NAE1: variants seen among roughly 807,000 people sequenced by gnomAD.
NAE1 encodes the protein NEDD8 activating enzyme E1 subunit 1.
Under a neutral mutation model 88.0 loss-of-function variants are expected in NAE1, and 59 were observed. That is an observed-to-expected ratio of 0.67 (90% confidence interval 0.54 to 0.83). The LOEUF (loss-of-function observed/expected upper bound fraction) is 0.83. Ranked by LOEUF, NAE1 falls within the 40% of genes least tolerant of loss-of-function variation. The pLI, the probability that NAE1 is intolerant of heterozygous loss-of-function variation, is 0.00. For synonymous variants in NAE1, 186 were observed against 208.9 expected (o/e 0.89, Z 0.95); for missense variants, 554 against 632.8 (o/e 0.88, Z 1.34).
intron 13 of NAE1, chr16:66,813,035 G>C (rs1045498192): frequency 4.6e-5 from 7 of 152,554 alleles, no homozygotes; most frequent in African/African-American, 1.4e-4. Context: ...GTGTTAGTCA[G>C]GATGGTCTCA....
At position 66,823,685 on chromosome 16, in the gene NAE1, C is replaced by T. The variant is rs898194172; in HGVS notation, c.250-85G>A. The T allele has an allele frequency of 3.9e-6, 4 of 1,033,482 alleles. No homozygotes were observed. In the African/African-American group the frequency reaches 4.9e-5, roughly 13 times the overall value. The allele number at this position is 1,033,482 out of a possible 1,614,324, so 64.0% of individuals were successfully genotyped here. On this transcript the variant is annotated intron_variant, in intron 4 of 19. Coordinates refer to ENST00000290810, the MANE Select transcript of NAE1 (RefSeq NM_003905.4). ...CCAATTTATGGAACAGGCAAACATA[C>T]TGTAAAACTATCCAAATTTCATGCA...
chr16:66,821,893 T>A (rs1030721838), intron 6 of NAE1, among the ~76,000 whole-genome samples: 11 of 152,108 alleles, frequency 7.2e-5, no homozygotes, highest in Non-Finnish European at 1.5e-4. Flanking sequence ...ACAATTCCAA[T>A]AACCAATTCT....
At chr16:66,810,671 TG>T in intron 14 of NAE1, 25 bp downstream of exon 14, 1 of 1,605,546 alleles carries the variant, frequency 6.2e-7, no homozygotes, top group Non-Finnish European at 8.5e-7. Flanking sequence ...GAGGCCTGTA[TG>T]GGCACAGTGT....
intron 1 of NAE1, chr16:66,828,078 C>A: frequency 1.2e-6 from 2 of 1,610,322 alleles, no homozygotes; most frequent in Non-Finnish European, 1.7e-6. Context: ...GAGGAATCGC[C>A]TAGAAGAACC....
At chr16:66,816,836 C>A in intron 10 of NAE1, 129 bp downstream of exon 10, 1 of 1,448,444 alleles carries the variant, frequency 6.9e-7, no homozygotes, top group South Asian at 1.4e-5. Context: ...TTCTTAACTT[C>A]TCCAGAAGGA....
intron 13 of NAE1, among the ~76,000 whole-genome samples, chr16:66,812,909 G>A (rs1203790385): frequency 2.0e-5 from 3 of 148,288 alleles, no homozygotes; most frequent in African/African-American, 5.0e-5. Context: ...TGCAAGCTCC[G>A]CCTCCCGGGT....
At position 66,826,964 on chromosome 16, in the gene NAE1, G is replaced by C. The variant is rs117860040; in HGVS notation, c.54-184C>G. On this transcript the variant is annotated intron_variant, in intron 1 of 19. Transcript: ENST00000290810. ...AATCTAGAACTCAGGTTGATGCCTTGAATGGTTAGGGGAAAAGAGGGAGAG... is the reference window on the plus strand; with the variant it reads ...AATCTAGAACTCAGGTTGATGCCTTCAATGGTTAGGGGAAAAGAGGGAGAG... Among the ~76,000 whole-genome samples, 363 of 152,260 alleles carry C rather than the reference G, an allele frequency of 2.4e-3. 1 individual carries two copies. Among genetic ancestry groups the C allele is most frequent in the Non-Finnish European group, 2.9e-3 (199 of 68,032 alleles).
intron 19 of NAE1, among the ~76,000 whole-genome samples, chr16:66,805,267 G>T (rs531321806): frequency 6.6e-6 from 1 of 152,118 alleles, no homozygotes; most frequent in African/African-American, 2.4e-5. Flanking sequence ...CCTTGGACTT[G>T]CTTGGAGGAC....
intron 1 of NAE1, 91 bp from the exon 2 acceptor site, chr16:66,826,871 T>G (rs1431863300): frequency 1.7e-6 from 2 of 1,145,600 alleles, no homozygotes; most frequent in African/African-American, 3.1e-5. Context: ...TTTCCTTGCA[T>G]AGACTGATAT....
At chr16:66,815,252 A>C (rs567658927) in intron 11 of NAE1, among the ~76,000 whole-genome samples, 131 of 152,366 alleles carry the variant, frequency 8.6e-4, no homozygotes, top group African/African-American at 3.0e-3. Context: ...CAGAGATTTC[A>C]AATGTCCAAT....
chr16:66,829,554 C>CTCT (rs1960608680), intron 1 of NAE1, among the ~76,000 whole-genome samples: 1 of 152,198 alleles, frequency 6.6e-6, no homozygotes, highest in East Asian at 1.9e-4. Context: ...TGCCTAAAGC[C>CTCT]TCTACTACAG....
chr16:66,823,587 G>A lies in NAE1; in HGVS notation c.263C>T (p.Ala88Val), dbSNP rs764989140. 2.2e-5 allele frequency: 35 copies of A among 1,599,472 alleles called. No individual in the cohort carries two copies. The East Asian group carries it at 7.4e-4, about 34-fold the overall frequency. ...TAATTCTTGTAAGAATTCCATGGCA[G>A]CTTCAGCTCGGTTCTTTTTAAAAAC... is the stretch of plus-strand genomic sequence containing the variant. ...RSSIGKNRAEAAMEFLQELNS... is the reference protein window; with the variant it reads ...RSSIGKNRAEVAMEFLQELNS... Residue 88 changes from alanine (A) to valine (V), a missense_variant, in exon 5 of 20, where the codon GCT becomes GTT. Physicochemically the swap from Ala to Val is moderately conservative, Grantham distance 64. Transcript: ENST00000290810.
At chr16:66,827,840 G>C in intron 1 of NAE1, 1 of 667,696 alleles carries the variant, frequency 1.5e-6, no homozygotes, top group Non-Finnish European at 2.6e-6. Context: ...AGCATGTCAA[G>C]CAACTGCCTT....
chr16:66,815,632 G>A (rs1397835236), intron 11 of NAE1, among the ~76,000 whole-genome samples: 1 of 151,446 alleles, frequency 6.6e-6, no homozygotes, highest in Non-Finnish European at 1.5e-5. Context: ...GGGATTACAG[G>A]TGTGAGCCAC....
chr16:66,817,173 CA>C (rs1960078325), intron 9 of NAE1, 145 bp from the exon 10 acceptor site: 1 of 1,157,298 alleles, frequency 8.6e-7, no homozygotes, highest in Non-Finnish European at 1.2e-6. Context: ...TGATAGAAAA[CA>C]GACACTGTGA....
chr16:66,830,903 C>G lies in NAE1; in HGVS notation c.-4G>C. The G allele has an allele frequency of 6.5e-7, 1 of 1,532,154 alleles. No homozygotes were observed. The highest frequency in any genetic ancestry group is 8.7e-7 in the Non-Finnish European group (1 of 1,148,464). The allele number at this position is 1,532,154 out of a possible 1,614,324, so 94.9% of individuals were successfully genotyped here. ...GCAGCTTTCCCAGCTGCGCCATGGC[C>G]GCGCCTGCCGCGCGGAAAACAGCCG... is the stretch of plus-strand genomic sequence containing the variant. On this transcript the variant is annotated 5_prime_UTR_variant, in exon 1 of 20. Coordinates refer to ENST00000290810, the MANE Select transcript of NAE1 (RefSeq NM_003905.4).
intron 15 of NAE1, among the ~76,000 whole-genome samples, chr16:66,809,443 C>G (rs946741245): frequency 1.3e-5 from 2 of 152,180 alleles, no homozygotes; most frequent in Non-Finnish European, 2.9e-5. Context: ...TAATAGTTTT[C>G]ATCATTATTA....
At chr16:66,824,792 A>C (rs1189370821) in intron 4 of NAE1, 63 bp downstream of exon 4, 1 of 1,420,984 alleles carries the variant, frequency 7.0e-7, no homozygotes, top group East Asian at 2.3e-5. Flanking sequence ...AAGCTTTTCA[A>C]GCAATCAAAA....
At chr16:66,823,153 A>G in intron 6 of NAE1, 74 bp downstream of exon 6, 1 of 896,760 alleles carries the variant, frequency 1.1e-6, no homozygotes, top group Non-Finnish European at 1.7e-6. Context: ...ATATCATCAT[A>G]GACTGTGCAA....
Sources: gnomAD v4.1 joint callset for allele counts (sites outside exome capture counted in the v4.1 genomes callset) on GRCh38, gnomAD v4.1.1 for gene constraint, MANE v1.5 for transcripts, NCBI Gene and HGNC (gene_info 2026-07-23, HGNC 2026-07-21) for gene names.